Variants in PKN2 observed in about 807,000 individuals in gnomAD.
PKN2 encodes protein kinase N2.
In PKN2, 38 loss-of-function variants were observed where a neutral mutation model predicts 119.1. The ratio of observed to expected loss-of-function variants is 0.32; its 90% CI spans 0.25 to 0.42. PKN2 has a LOEUF of 0.42. PKN2 is among the 10% of genes least tolerant of loss of function. PKN2 has a pLI of 1.00. For missense variants in PKN2, 850 were observed against 1,165.1 expected (o/e 0.73, Z 3.94); for synonymous variants, 390 against 384.9 (o/e 1.01, Z -0.15).
intron 2 of PKN2, among the ~76,000 whole-genome samples, chr1:88,743,145 G>A (rs907466975): frequency 6.6e-6 from 1 of 152,180 alleles, no homozygotes; most frequent in South Asian, 2.1e-4. Context: ...AGCCAAGATC[G>A]TGCCACTGCC....
intron 15 of PKN2, among the ~76,000 whole-genome samples, chr1:88,808,926 G>A (rs1671670588): frequency 6.6e-6 from 1 of 152,054 alleles, no homozygotes; most frequent in Non-Finnish European, 1.5e-5. Context: ...ACATCTTTAA[G>A]CCCCAGTTAA....
intron 1 of PKN2, among the ~76,000 whole-genome samples, chr1:88,721,251 A>T (rs1667667115): frequency 6.6e-6 from 1 of 152,120 alleles, no homozygotes; most frequent in African/African-American, 2.4e-5. Flanking sequence ...GCAGTGTAGA[A>T]GTGTTCCCTT....
intron 3 of PKN2, 40 bp from the exon 4 acceptor site, chr1:88,770,312 C>T (rs753469148): frequency 2.6e-6 from 3 of 1,167,164 alleles, no homozygotes; most frequent in South Asian, 1.2e-5. Context: ...TTCATTTTTC[C>T]CTTTATTTGC....
intron 8 of PKN2, among the ~76,000 whole-genome samples, chr1:88,800,668 A>C (rs774658797): frequency 1.3e-5 from 2 of 152,216 alleles, no homozygotes; most frequent in Non-Finnish European, 2.9e-5. Context: ...CACTTCGAGA[A>C]CCTCAGCATT....
chr1:88,795,667 C>T (rs1324377087), intron 8 of PKN2, among the ~76,000 whole-genome samples: 1 of 152,198 alleles, frequency 6.6e-6, no homozygotes, highest in Admixed American at 6.5e-5. Flanking sequence ...TCAGGCCACA[C>T]AGCTAGAAAG....
chr1:88,687,648 G>A (rs1197039674), intron 1 of PKN2, among the ~76,000 whole-genome samples: 3 of 152,054 alleles, frequency 2.0e-5, no homozygotes, highest in Non-Finnish European at 4.4e-5. Context: ...ATAAAGTGTT[G>A]GTCTGGGAAT....
chr1:88,726,800 A>G (rs905513327), intron 1 of PKN2, among the ~76,000 whole-genome samples: 2 of 151,698 alleles, frequency 1.3e-5, no homozygotes, highest in Admixed American at 6.6e-5. Flanking sequence ...CATCTAAGTT[A>G]TTGATTCATA....
At chr1:88,790,463 GA>G (rs1670774838) in intron 8 of PKN2, among the ~76,000 whole-genome samples, 1 of 152,160 alleles carries the variant, frequency 6.6e-6, no homozygotes, top group South Asian at 2.1e-4. Context: ...TAATAGGTTG[GA>G]AATTACTTTC....
At chr1:88,737,969 A>G (rs1668422821) in intron 1 of PKN2, among the ~76,000 whole-genome samples, 2 of 152,138 alleles carry the variant, frequency 1.3e-5, no homozygotes, top group Admixed American at 1.3e-4. Context: ...TTGCGAAGTT[A>G]CTTTCATGCA....
intron 16 of PKN2, among the ~76,000 whole-genome samples, chr1:88,819,411 AAAAG>A (rs761875247): frequency 6.6e-6 from 1 of 152,232 alleles, no homozygotes; most frequent in African/African-American, 2.4e-5. Context: ...ACATATGAAA[AAAAG>A]CTCATCATCA....
chr1:88,694,842 T>C (rs1666472469), intron 1 of PKN2, among the ~76,000 whole-genome samples: 1 of 152,206 alleles, frequency 6.6e-6, no homozygotes, highest in African/African-American at 2.4e-5. Flanking sequence ...TTTAATAGCA[T>C]TGATTTTTGA....
chr1:88,746,012 CTG>C (rs1668754136), intron 2 of PKN2, among the ~76,000 whole-genome samples: 1 of 152,112 alleles, frequency 6.6e-6, no homozygotes, highest in South Asian at 2.1e-4. Flanking sequence ...GTTGGGAAAA[CTG>C]GATATCGACA....
intron 1 of PKN2, among the ~76,000 whole-genome samples, chr1:88,695,518 T>C (rs540377475): frequency 1.3e-5 from 2 of 152,272 alleles, no homozygotes; most frequent in South Asian, 2.1e-4. Context: ...CATTCCCCAG[T>C]TGTGGCTCAA....
At chr1:88,832,215 A>G (rs1672756209) in intron 19 of PKN2, among the ~76,000 whole-genome samples, 1 of 151,994 alleles carries the variant, frequency 6.6e-6, no homozygotes, top group Non-Finnish European at 1.5e-5. Flanking sequence ...TTAAAATCCA[A>G]AGCACATTTA....
chr1:88,817,846 C>G (rs969522588), intron 16 of PKN2, among the ~76,000 whole-genome samples: 9 of 152,034 alleles, frequency 5.9e-5, no homozygotes, highest in Non-Finnish European at 1.3e-4. Flanking sequence ...AGCCAATATT[C>G]AACATAGTAT....
At chr1:88,801,183 G>A (rs1246441388) in intron 8 of PKN2, among the ~76,000 whole-genome samples, 1 of 152,040 alleles carries the variant, frequency 6.6e-6, no homozygotes, top group African/African-American at 2.4e-5. Context: ...TCAGGAGTTC[G>A]AGACCAGCCT....
intron 19 of PKN2, chr1:88,829,236 TGTTGAGTG>T: frequency 1.4e-6 from 1 of 711,266 alleles, no homozygotes; most frequent in African/African-American, 1.7e-5. Context: ...ATAAAAGCCA[TGTTGAGTG>T]GCCCAGGTCA....
chr1:88,713,227 A>G (rs183789193), intron 1 of PKN2, among the ~76,000 whole-genome samples: 5 of 152,330 alleles, frequency 3.3e-5, no homozygotes, highest in Admixed American at 1.3e-4. Context: ...TAGTGCTGCA[A>G]TAAACATACA....
intron 3 of PKN2, among the ~76,000 whole-genome samples, chr1:88,767,774 T>A (rs1461980788): frequency 6.6e-6 from 1 of 152,228 alleles, no homozygotes; most frequent in Non-Finnish European, 1.5e-5. Flanking sequence ...TATGCAATTA[T>A]TTTTTCCTCC....
Sources: gnomAD v4.1 joint callset for allele counts (sites outside exome capture counted in the v4.1 genomes callset) on GRCh38, gnomAD v4.1.1 for gene constraint, MANE v1.5 for transcripts, NCBI Gene and HGNC (gene_info 2026-07-23, HGNC 2026-07-21) for gene names.